The following ASMT variants were observed in gnomAD, a reference collection of about 807,000 sequenced individuals.
ASMT encodes the protein acetylserotonin O-methyltransferase.
Under a neutral mutation model 41.3 loss-of-function variants are expected in ASMT, and 53 were observed. That is an observed-to-expected ratio of 1.28 (90% CI 1.03 to 1.61). ASMT has a LOEUF of 1.61. ASMT is among the 40% of genes most tolerant of loss of function. The pLI is 0.00. For synonymous variants in ASMT, 231 were observed against 184.8 expected (o/e 1.25, Z -2.03); for missense variants, 531 against 441.3 (o/e 1.20, Z -1.82).
chrX:1,636,322 C>A, intron 7 of ASMT, 116 bp from the exon 8 acceptor site: 1 of 1,472,560 alleles, frequency 6.8e-7, no homozygotes, highest in Non-Finnish European at 9.5e-7. Context: ...AGGTGACTAG[C>A]CTGGAAGACC....
rs1242486710 is a variant in ASMT at position 1,616,801 on chromosome X, C to T, written c.69+1533C>T. Among the ~76,000 whole-genome samples, 9 of 148,644 alleles carry T rather than the reference C, an allele frequency of 6.1e-5. No homozygotes were observed. In the East Asian group the frequency reaches 9.7e-4, roughly 16 times the overall value. ...TCGGCTCACTGCAAGCTCCACCTCC[C>T]AGGTTCACGCCATTCTCCTGCCTCA... On this transcript the variant is annotated intron_variant, in intron 1 of 8. Transcript: ENST00000381241.
intron 2 of ASMT, 80 bp from the exon 3 acceptor site, chrX:1,624,189 T>C: frequency 1.3e-6 from 2 of 1,548,414 alleles, no homozygotes; most frequent in Non-Finnish European, 1.8e-6. Flanking sequence ...GAAATCACGA[T>C]GTTGTCGAGC....
intron 7 of ASMT, among the ~76,000 whole-genome samples, chrX:1,634,975 TC>T (rs1934904496): frequency 7.4e-6 from 1 of 135,024 alleles, no homozygotes; most frequent in South Asian, 2.4e-4. Context: ...CTGAGTTAAC[TC>T]TTTTTTTTTT....
intron 4 of ASMT, among the ~76,000 whole-genome samples, chrX:1,629,505 C>G (rs770028980): frequency 6.6e-6 from 1 of 152,180 alleles, no homozygotes; most frequent in Admixed American, 6.6e-5. Flanking sequence ...GGGCTGAGCT[C>G]TGTGGATGGG....
intron 5 of ASMT, 35 bp downstream of exon 5, chrX:1,629,974 TG>T: frequency 6.5e-7 from 1 of 1,535,290 alleles, no homozygotes; most frequent in Non-Finnish European, 9.0e-7. Context: ...CTCGGAGGTG[TG>T]GCTTCTGTTC....
chrX:1,631,963 C>A (rs1300881427), intron 5 of ASMT, among the ~76,000 whole-genome samples: 1 of 152,046 alleles, frequency 6.6e-6, no homozygotes, highest in Non-Finnish European at 1.5e-5. Context: ...GCAGGAGAAT[C>A]GCTTGTACCC....
Position 1,642,848 on chromosome X carries a change from G to A in ASMT, c.956G>A (p.Arg319Gln), listed in dbSNP as rs121918828. 2.1e-4 allele frequency: 332 copies of A among 1,613,848 alleles called. No homozygotes were observed. The highest frequency in any genetic ancestry group is 5.5e-4 in the Admixed American group (33 of 59,990). Reference protein sequence around the residue: ...VIESLLDEDRRGPLLTQLYSL... With the variant: ...VIESLLDEDRQGPLLTQLYSL... ...GAAAGCCTCCTGGATGAAGACAGGCGAGGTCCTCTGCTCACGCAGCTCTAC... is the reference window on the plus strand; with the variant it reads ...GAAAGCCTCCTGGATGAAGACAGGCAAGGTCCTCTGCTCACGCAGCTCTAC... The change falls in exon 9 of 9, where the codon CGA becomes CAA. Residue 319 changes from arginine to glutamine, a missense_variant. Physicochemically the swap from Arg to Gln is conservative, Grantham distance 43. Transcript: ENST00000381241.
chrX:1,619,083 G>A (rs141823565), intron 1 of ASMT, among the ~76,000 whole-genome samples: 31 of 152,178 alleles, frequency 2.0e-4, no homozygotes, highest in East Asian at 9.7e-4. Flanking sequence ...AGTGAATATC[G>A]CCTTAAGAAG....
chrX:1,635,485 C>T (rs770953626), intron 7 of ASMT, among the ~76,000 whole-genome samples: 10 of 152,196 alleles, frequency 6.6e-5, no homozygotes, highest in African/African-American at 1.9e-4. Flanking sequence ...AGCTGCTGAC[C>T]GAATTCCCAG....
chrX:1,615,669 GTA>G (rs1934061356), intron 1 of ASMT, among the ~76,000 whole-genome samples: 2 of 151,926 alleles, frequency 1.3e-5, no homozygotes, highest in Admixed American at 1.3e-4. Context: ...AGGCTTGGTG[GTA>G]CATGCCTATA....
intron 5 of ASMT, among the ~76,000 whole-genome samples, chrX:1,630,931 G>A (rs1934751751): frequency 1.5e-5 from 2 of 137,350 alleles, no homozygotes; most frequent in South Asian, 4.5e-4. Context: ...TTTTTTTTGA[G>A]ATGGAGTCTT....
intron 3 of ASMT, among the ~76,000 whole-genome samples, chrX:1,626,066 CTG>C (rs1934539030): frequency 1.3e-5 from 2 of 151,424 alleles, no homozygotes; most frequent in East Asian, 1.9e-4. Context: ...AAAGAATAGA[CTG>C]TTACTGTTTC....
At chrX:1,618,607 T>C in intron 1 of ASMT, among the ~76,000 whole-genome samples, 1 of 150,410 alleles carries the variant, frequency 6.6e-6, no homozygotes, top group South Asian at 2.1e-4. Flanking sequence ...AGCTAATTTT[T>C]TGTATTTTTG....
chrX:1,627,797 C>T (rs769989525), intron 4 of ASMT, 26 bp downstream of exon 4: 1 of 1,602,894 alleles, frequency 6.2e-7, no homozygotes, highest in East Asian at 2.2e-5. Context: ...TTGAAACCAA[C>T]AACTCAGATA....
At chrX:1,631,011 C>T (rs1191777839) in intron 5 of ASMT, among the ~76,000 whole-genome samples, 4 of 146,398 alleles carry the variant, frequency 2.7e-5, no homozygotes, top group South Asian at 2.2e-4. Context: ...CCCGGGTTCA[C>T]GCCATTCTCC....
chrX:1,630,342 G>C (rs759105895), intron 5 of ASMT, among the ~76,000 whole-genome samples: 4 of 100,590 alleles, frequency 4.0e-5, no homozygotes, highest in Admixed American at 2.8e-4. Flanking sequence ...GTGTCGCTCT[G>C]TCGCCCAGGC....
chrX:1,616,967 C>T (rs1358305272), intron 1 of ASMT, among the ~76,000 whole-genome samples: 1 of 152,034 alleles, frequency 6.6e-6, no homozygotes, highest in Non-Finnish European at 1.5e-5. Flanking sequence ...CTCGGCCTCC[C>T]AAAGTGCTGG....
In ASMT at chrX:1,643,075, A is replaced by G; in HGVS notation, c.*61A>G. ...ACAAGACATAATAATAAAGACATGTACCTCCAGTGGCTTCTTGTTCTTGGT... is the reference window on the plus strand; with the variant it reads ...ACAAGACATAATAATAAAGACATGTGCCTCCAGTGGCTTCTTGTTCTTGGT... On this transcript the variant is annotated 3_prime_UTR_variant, in exon 9 of 9. Transcript: ENST00000381241. 2 of 1,549,704 alleles carry G rather than the reference A, an allele frequency of 1.3e-6. No individual in the cohort carries two copies. The highest frequency in any genetic ancestry group is 1.8e-6 in the Non-Finnish European group (2 of 1,122,020).
chrX:1,617,863 GC>G (rs1243548291), intron 1 of ASMT, among the ~76,000 whole-genome samples: 1 of 151,794 alleles, frequency 6.6e-6, no homozygotes, highest in Non-Finnish European at 1.5e-5. Flanking sequence ...GATCCTCCTG[GC>G]CCCCACACTT....
Sources: allele counts gnomAD v4.1 joint callset (sites outside exome capture counted in the v4.1 genomes callset), GRCh38; gene constraint gnomAD v4.1.1; transcripts MANE v1.5; gene names NCBI Gene and HGNC (gene_info 2026-07-23, HGNC 2026-07-21).